Variants in SPATA6 observed in about 807,000 individuals in gnomAD.
SPATA6 encodes the protein spermatogenesis-associated protein 6.
In SPATA6, 56 loss-of-function variants were observed where a neutral mutation model predicts 65.3. That is an observed-to-expected ratio of 0.86 (90% CI 0.69 to 1.07). The LOEUF (loss-of-function observed/expected upper bound fraction) is 1.07, where lower values mean the gene tolerates loss of function less well. SPATA6 is among the 50% of genes least tolerant of loss of function. SPATA6 has a pLI of 0.00. For synonymous variants in SPATA6, 199 were observed against 213.2 expected, an observed-to-expected ratio of 0.93 and a Z score of 0.58; for missense variants, 590 against 594.8, an observed-to-expected ratio of 0.99 and a Z score of 0.08.
intron 1 of SPATA6, among the ~76,000 whole-genome samples, chr1:48,461,799 A>T (rs1186150123): frequency 1.3e-5 from 2 of 152,284 alleles, no homozygotes; most frequent in East Asian, 3.9e-4. Flanking sequence ...TTCCTCAGGG[A>T]TCTAGAACTA....
chr1:48,411,630 T>C, intron 4 of SPATA6, 42 bp from the exon 5 acceptor site: 1 of 1,450,028 alleles, frequency 6.9e-7, no homozygotes, highest in Middle Eastern at 1.8e-4. Flanking sequence ...TAATAAAATA[T>C]TCTATTTAGA....
chr1:48,413,238 A>G, intron 3 of SPATA6, 87 bp from the exon 4 acceptor site: 1 of 536,196 alleles, frequency 1.9e-6, no homozygotes, highest in Non-Finnish European at 3.0e-6. Flanking sequence ...CTAAAAGCCA[A>G]AGTAATCACT....
Position 48,472,204 on chromosome 1 carries a change from T to A in SPATA6, c.-196A>T, listed in dbSNP as rs1249344268. On this transcript the variant is annotated 5_prime_UTR_variant, in exon 1 of 13. An upstream start codon of the reference 5' UTR is lost. Coordinates refer to ENST00000371847, the MANE Select transcript of SPATA6 (RefSeq NM_019073.4). ...AGCGCGGGGCGCAGACTCGTTGTCA[T>A]GGCAGCCAGGAGGGGCGGGGCCGGA... 1 of 490,708 alleles carries A rather than the reference T, an allele frequency of 2.0e-6. No homozygotes were observed. The highest frequency in any genetic ancestry group is 3.5e-6 in the Non-Finnish European group (1 of 281,974). 30.4% of individuals were successfully genotyped at this position (490,708 alleles called of 1,614,324 possible).
intron 9 of SPATA6, among the ~76,000 whole-genome samples, chr1:48,378,174 G>A (rs767056660): frequency 6.6e-6 from 1 of 152,178 alleles, no homozygotes; most frequent in Non-Finnish European, 1.5e-5. Flanking sequence ...TTACCCCAAT[G>A]AGTTTACCAG....
intron 3 of SPATA6, 72 bp downstream of exon 3, chr1:48,451,480 A>G: frequency 6.9e-7 from 1 of 1,442,026 alleles, no homozygotes; most frequent in Non-Finnish European, 9.5e-7. Context: ...ATTTAACCCA[A>G]GATTAAAGAT....
intron 10 of SPATA6, among the ~76,000 whole-genome samples, chr1:48,356,414 T>A (rs1291995121): frequency 6.6e-6 from 1 of 151,654 alleles, no homozygotes; most frequent in Non-Finnish European, 1.5e-5. Flanking sequence ...CTAATTATAA[T>A]ATATAGTGTT....
intron 3 of SPATA6, among the ~76,000 whole-genome samples, chr1:48,426,883 T>C (rs1263447975): frequency 1.3e-5 from 2 of 150,714 alleles, no homozygotes; most frequent in Non-Finnish European, 3.0e-5. Flanking sequence ...TGTAAGATGA[T>C]ATAAATCAGG....
chr1:48,267,565 G>C, the SPATA6 span, among the ~76,000 whole-genome samples: 1 of 151,902 alleles, frequency 6.6e-6, no homozygotes, highest in African/African-American at 2.4e-5. Context: ...CCAGCAGCTG[G>C]ACTCTCCTCC....
intron 3 of SPATA6, among the ~76,000 whole-genome samples, chr1:48,425,025 T>C (rs1432200412): frequency 1.3e-5 from 2 of 152,190 alleles, no homozygotes; most frequent in Non-Finnish European, 2.9e-5. Context: ...TTTACTTTGG[T>C]TACCTGTGCT....
At chr1:48,358,761 A>G (rs1345889331) in intron 10 of SPATA6, among the ~76,000 whole-genome samples, 1 of 152,200 alleles carries the variant, frequency 6.6e-6, no homozygotes, top group African/African-American at 2.4e-5. Context: ...CTAATGGACT[A>G]GAAGCAACCT....
chr1:48,440,924 G>A (rs779019516), intron 3 of SPATA6, among the ~76,000 whole-genome samples: 2 of 152,134 alleles, frequency 1.3e-5, no homozygotes, highest in Non-Finnish European at 2.9e-5. Flanking sequence ...TCAGACAAAG[G>A]CCACAGCCTT....
chr1:48,276,220 T>G, the SPATA6 span, among the ~76,000 whole-genome samples: 1 of 152,220 alleles, frequency 6.6e-6, no homozygotes, highest in Non-Finnish European at 1.5e-5. Flanking sequence ...GTTTGATTCT[T>G]CTCTTTTTTC....
intron 3 of SPATA6, among the ~76,000 whole-genome samples, chr1:48,445,183 C>T (rs1570600531): frequency 1.3e-5 from 2 of 152,254 alleles, no homozygotes; most frequent in Middle Eastern, 6.8e-3. Flanking sequence ...TACAGCCAAA[C>T]TGATTATTTT....
chr1:48,347,154 T>C (rs963783785), intron 11 of SPATA6, among the ~76,000 whole-genome samples: 9 of 151,450 alleles, frequency 5.9e-5, no homozygotes, highest in Non-Finnish European at 1.3e-4. Flanking sequence ...AACCCAGAAA[T>C]AAGGCCACAC....
At chr1:48,344,805 A>G (rs1479260761) in intron 11 of SPATA6, among the ~76,000 whole-genome samples, 29 of 152,198 alleles carry the variant, frequency 1.9e-4, no homozygotes, top group Non-Finnish European at 5.9e-5. Flanking sequence ...TAAAGGGGAC[A>G]ATTCAACAAG....
intron 8 of SPATA6, among the ~76,000 whole-genome samples, chr1:48,392,230 G>A (rs1206547098): frequency 6.6e-6 from 1 of 152,066 alleles, no homozygotes; most frequent in Non-Finnish European, 1.5e-5. Context: ...ATAGAAATGA[G>A]ACTCATAAAA....
chr1:48,465,866 G>A (rs915950257), intron 1 of SPATA6, among the ~76,000 whole-genome samples: 30 of 152,108 alleles, frequency 2.0e-4, no homozygotes, highest in African/African-American at 6.7e-4. Context: ...TGTAAAATGC[G>A]TTTTAAAAAC....
chr1:48,317,343 A>G (rs1466697729), intron 11 of SPATA6, among the ~76,000 whole-genome samples: 2 of 152,372 alleles, frequency 1.3e-5, no homozygotes, highest in Middle Eastern at 3.4e-3. Context: ...AATACTATGC[A>G]GCCATAAAAA....
intron 11 of SPATA6, among the ~76,000 whole-genome samples, chr1:48,316,662 A>G (rs1212947760): frequency 2.0e-5 from 3 of 152,344 alleles, no homozygotes; most frequent in African/African-American, 7.2e-5. Flanking sequence ...CAGTGGCAAC[A>G]AAAGCCAAAA....
Sources: allele counts gnomAD v4.1 joint callset (sites outside exome capture counted in the v4.1 genomes callset), GRCh38; gene constraint gnomAD v4.1.1; transcripts MANE v1.5; gene names NCBI Gene and HGNC (gene_info 2026-07-23, HGNC 2026-07-21).